SPATA45: variants seen among roughly 807,000 people sequenced by gnomAD.
SPATA45 encodes the protein spermatogenesis associated 45, also known as spermatogenesis-associated protein 45.
Under a neutral mutation model 7.0 loss-of-function variants are expected in SPATA45, and 5 were observed. The observed-to-expected ratio is 0.71, with a 90% CI of 0.37 to 1.50. The LOEUF (loss-of-function observed/expected upper bound fraction) is 1.50, where lower values mean the gene tolerates loss of function less well. Among genes scored for constraint, SPATA45 ranks in the 40% most tolerant of loss-of-function variants. SPATA45 has a pLI of 0.03. For missense variants in SPATA45, 111 were observed against 114.9 expected (o/e 0.97, Z 0.16); for synonymous variants, 40 against 38.7 (o/e 1.03, Z -0.13).
chr1:212,841,447 G>A (rs1176940028), intron 1 of SPATA45, among the ~76,000 whole-genome samples: 4 of 151,870 alleles, frequency 2.6e-5, no homozygotes, highest in African/African-American at 9.7e-5. Context: ...ACAGGTATAA[G>A]CCACTGTGCC....
At chr1:212,842,428 C>T (rs965054490) in intron 1 of SPATA45, among the ~76,000 whole-genome samples, 14 of 152,040 alleles carry the variant, frequency 9.2e-5, no homozygotes, top group Non-Finnish European at 1.8e-4. Flanking sequence ...AGGTGAACTG[C>T]AAATAAAACA....
At chr1:212,831,331 C>T (rs924206377) in intron 2 of SPATA45, among the ~76,000 whole-genome samples, 2 of 150,452 alleles carry the variant, frequency 1.3e-5, no homozygotes, top group Non-Finnish European at 3.0e-5. Context: ...GTTAGCCAAG[C>T]ATGGTGGCAC....
At chr1:212,837,028 A>C (rs1016415063) in intron 1 of SPATA45, among the ~76,000 whole-genome samples, 4 of 150,448 alleles carry the variant, frequency 2.7e-5, no homozygotes, top group African/African-American at 9.7e-5. Context: ...AGGGGAAACA[A>C]AGGTTAAAAA....
intron 1 of SPATA45, among the ~76,000 whole-genome samples, chr1:212,842,808 GC>G (rs941841715): frequency 2.6e-5 from 4 of 152,110 alleles, no homozygotes; most frequent in African/African-American, 9.7e-5. Flanking sequence ...CCCTGTCTCG[GC>G]TGGGCGTGGT....
At chr1:212,841,924 A>AT (rs1159043244) in intron 1 of SPATA45, among the ~76,000 whole-genome samples, 2 of 151,386 alleles carry the variant, frequency 1.3e-5, no homozygotes, top group African/African-American at 2.4e-5. Context: ...TGCCCAGCTA[A>AT]TTTTTTTGTA....
rs536825310 is a variant in SPATA45 at position 212,835,814 on chromosome 1, C to T, written c.277+59G>A. On this transcript the variant is annotated intron_variant, in intron 2 of 2. Coordinates refer to ENST00000332912, the MANE Select transcript of SPATA45 (RefSeq NM_001024601.3). Reference sequence around the variant, plus strand: ...TCGCGCCACTGCACTCCAGCCTGGGCGACAAGAGCAAAACTCCATCTCAAA... The same window carrying T: ...TCGCGCCACTGCACTCCAGCCTGGGTGACAAGAGCAAAACTCCATCTCAAA... 3.0e-4 allele frequency: 432 copies of T among 1,440,188 alleles called. 2 individuals are homozygous for T. In the African/African-American group the frequency reaches 5.7e-3, roughly 19 times the overall value. The allele number at this position is 1,440,188 out of a possible 1,614,324, so 89.2% of individuals were successfully genotyped here.
At chr1:212,834,452 C>G (rs909841407) in intron 2 of SPATA45, among the ~76,000 whole-genome samples, 1 of 150,470 alleles carries the variant, frequency 6.6e-6, no homozygotes, top group African/African-American at 2.4e-5. Context: ...AACCTTCGTC[C>G]ACTTTTTTTT....
rs1663458810 is a variant in SPATA45 at position 212,830,163 on chromosome 1, T to C, written c.*79A>G. ...TACTTTTGTTTAGCTTTGTTTATAA[T>C]TAATAATTTGTAAATAATTTAGACA... On this transcript the variant is annotated 3_prime_UTR_variant, in exon 3 of 3. Transcript: ENST00000332912. 2.9e-6 allele frequency: 3 copies of C among 1,052,306 alleles called. No individual in the cohort carries two copies. The highest frequency in any genetic ancestry group is 1.4e-6 in the Non-Finnish European group (1 of 714,262). 65.2% of individuals were successfully genotyped at this position (1,052,306 alleles called of 1,614,324 possible). A position where few individuals can be genotyped will look rare whatever the true frequency, so the allele number is the denominator to read the frequency against.
intron 1 of SPATA45, among the ~76,000 whole-genome samples, chr1:212,845,787 C>A (rs1663781427): frequency 6.6e-6 from 1 of 152,180 alleles, no homozygotes; most frequent in Non-Finnish European, 1.5e-5. Flanking sequence ...GTTTCTAATC[C>A]TTCTTTAACA....
At chr1:212,834,597 C>G (rs749868095) in intron 2 of SPATA45, among the ~76,000 whole-genome samples, 2 of 151,344 alleles carry the variant, frequency 1.3e-5, no homozygotes, top group Non-Finnish European at 3.0e-5. Context: ...ACTAAAGGTG[C>G]GTGCCACCAC....
intron 2 of SPATA45, among the ~76,000 whole-genome samples, chr1:212,832,287 A>T (rs1291473743): frequency 6.8e-6 from 1 of 147,504 alleles, no homozygotes; most frequent in Non-Finnish European, 1.5e-5. Flanking sequence ...TACAGGCGTG[A>T]GCCACTGTGC....
At chr1:212,843,100 T>TACACAC (rs367648433) in intron 1 of SPATA45, among the ~76,000 whole-genome samples, 25,809 of 121,736 alleles carry the variant, frequency 0.21, 3,417 homozygotes, top group Non-Finnish European at 0.28. Flanking sequence ...CCGTCAAACA[T>TACACAC]ACACACACAC....
At chr1:212,847,511 CATA>C (rs757435750) in intron 1 of SPATA45, 66 bp downstream of exon 1, 1 of 152,102 alleles carries the variant, frequency 6.6e-6, no homozygotes, top group Non-Finnish European at 1.5e-5. Flanking sequence ...ACATAACTAT[CATA>C]ATAATAAGAA....
intron 1 of SPATA45, among the ~76,000 whole-genome samples, chr1:212,845,849 A>G (rs886230641): frequency 2.0e-5 from 3 of 152,094 alleles, no homozygotes; most frequent in African/African-American, 7.2e-5. Flanking sequence ...CCAGGCCTCC[A>G]CTTATTCACT....
Position 212,835,988 on chromosome 1 carries a change from G to A in SPATA45, c.162C>T (p.Ala54=), listed in dbSNP as rs151087109. ...LRVQKRHFPD[A]YQSFTDTTTK... ...TTGTGGTATCAGTAAAGGACTGATAGGCATCCGGGAAGTGCCTCTTTTGAA... is the reference window on the plus strand; with the variant it reads ...TTGTGGTATCAGTAAAGGACTGATAAGCATCCGGGAAGTGCCTCTTTTGAA... The change falls in exon 2 of 3, where the codon GCC becomes GCT. Residue 54 remains alanine (A), a synonymous_variant. Transcript: ENST00000332912. The A allele has an allele frequency of 2.8e-5, 45 of 1,611,034 alleles. 1 individual carries two copies. In the African/African-American group the frequency reaches 5.3e-4, roughly 19 times the overall value.
chr1:212,836,335 T>C lies in SPATA45; in HGVS notation c.-38-148A>G. On this transcript the variant is annotated intron_variant, in intron 1 of 2. Transcript: ENST00000332912. ...TCCCACCCCACGCTTCACTTTTTTA[T>C]TTACTTATTTTTTTAGACAGGGTCT... The C allele has an allele frequency of 6.4e-6, 4 of 626,096 alleles. No homozygotes were observed. The South Asian group carries it at 8.3e-5, about 13-fold the overall frequency. The allele number at this position is 626,096 out of a possible 1,614,324, so 38.8% of individuals were successfully genotyped here. A position where few individuals can be genotyped will look rare whatever the true frequency, so the allele number is the denominator to read the frequency against.
In SPATA45 at chr1:212,832,359, C is replaced by CTTTT. The variant is rs34934655; in HGVS notation, c.278-2102_278-2099dup. On this transcript the variant is annotated intron_variant, in intron 2 of 2. Coordinates refer to ENST00000332912, the MANE Select transcript of SPATA45 (RefSeq NM_001024601.3). ...GGCTCTCTACCCAGTGAAATCTAAG[C>CTTTT]TTTTTTTTTTTTTTTTTTTTTTTTT... 7.0e-5 allele frequency among the ~76,000 whole-genome samples: 4 copies of CTTTT among 57,174 alleles called. 1 individual carries two copies. The highest frequency in any genetic ancestry group is 9.5e-5 in the Non-Finnish European group (3 of 31,462). The allele number at this position is 57,174 out of a possible 152,430, so 37.5% of individuals were successfully genotyped here.
chr1:212,841,573 G>A (rs1000911441), intron 1 of SPATA45, among the ~76,000 whole-genome samples: 2 of 149,770 alleles, frequency 1.3e-5, no homozygotes, highest in African/African-American at 2.5e-5. Context: ...ATTGTTTTAG[G>A]AAAGCTACCA....
chr1:212,841,729 A>C (rs1663689544), intron 1 of SPATA45, among the ~76,000 whole-genome samples: 1 of 151,794 alleles, frequency 6.6e-6, no homozygotes, highest in Non-Finnish European at 1.5e-5. Context: ...AATAATAAAA[A>C]ATAAAAAGGT....
Sources: allele counts gnomAD v4.1 joint callset (sites outside exome capture counted in the v4.1 genomes callset), GRCh38; gene constraint gnomAD v4.1.1; transcripts MANE v1.5; gene names NCBI Gene and HGNC (gene_info 2026-07-23, HGNC 2026-07-21).